The following MALRD1 variants were observed in gnomAD, a reference collection of about 807,000 sequenced individuals.
MALRD1 encodes MAM and LDL receptor class A domain containing 1.
In MALRD1, 247 loss-of-function variants were observed where a neutral mutation model predicts 242.1. That is an observed-to-expected ratio of 1.02 (90% CI 0.92 to 1.13). The LOEUF (loss-of-function observed/expected upper bound fraction) is 1.13. Ranked by LOEUF, MALRD1 falls within the 50% of genes most tolerant of loss-of-function variation. The pLI is 0.00. For missense variants in MALRD1, 2,989 were observed against 2,533.1 expected (o/e 1.18, Z -3.86); for synonymous variants, 995 against 866.6 (o/e 1.15, Z -2.60).
At chr10:19,517,016 G>T (rs1292926799) in intron 31 of MALRD1, among the ~76,000 whole-genome samples, 1 of 152,184 alleles carries the variant, frequency 6.6e-6, no homozygotes, top group African/African-American at 2.4e-5. Context: ...GGCTTTTCAT[G>T]TCATCAGGGG....
At chr10:19,173,119 A>G (rs1195897022) in intron 13 of MALRD1, among the ~76,000 whole-genome samples, 5 of 152,070 alleles carry the variant, frequency 3.3e-5, no homozygotes, top group Admixed American at 2.6e-4. Context: ...TTTAGATACC[A>G]GTTTATTTTT....
At chr10:19,158,922 T>A (rs767296209) in intron 12 of MALRD1, among the ~76,000 whole-genome samples, 13 of 152,208 alleles carry the variant, frequency 8.5e-5, no homozygotes, top group Non-Finnish European at 2.9e-5. Flanking sequence ...TAATTTTGGA[T>A]CATGTCCTGC....
intron 18 of MALRD1, among the ~76,000 whole-genome samples, chr10:19,239,034 G>T (rs1437946062): frequency 6.7e-6 from 1 of 148,844 alleles, no homozygotes; most frequent in Middle Eastern, 3.2e-3. Context: ...TTCTCTTGTG[G>T]CATGTCTTTT....
intron 36 of MALRD1, among the ~76,000 whole-genome samples, chr10:19,680,450 G>A (rs1210984764): frequency 1.3e-5 from 2 of 152,026 alleles, no homozygotes; most frequent in Admixed American, 6.6e-5. Context: ...CCAGAAACTA[G>A]GATTGCAACC....
intron 36 of MALRD1, among the ~76,000 whole-genome samples, chr10:19,682,031 A>G (rs948128684): frequency 1.3e-5 from 2 of 152,050 alleles, no homozygotes; most frequent in Non-Finnish European, 1.5e-5. Flanking sequence ...TGGAATAACT[A>G]TATCTCTGTG....
At chr10:19,579,676 A>C (rs903186506) in intron 33 of MALRD1, among the ~76,000 whole-genome samples, 5 of 152,188 alleles carry the variant, frequency 3.3e-5, no homozygotes, top group African/African-American at 2.4e-5. Flanking sequence ...ATGGGGAAGA[A>C]CGTGAGTATA....
intron 38 of MALRD1, among the ~76,000 whole-genome samples, chr10:19,708,282 A>G (rs946807261): frequency 2.5e-5 from 3 of 118,530 alleles, no homozygotes; most frequent in Admixed American, 9.6e-5. Flanking sequence ...AATTTACACC[A>G]TGACTACATA....
chr10:19,583,296 T>C (rs1837223163), intron 33 of MALRD1, among the ~76,000 whole-genome samples: 2 of 148,470 alleles, frequency 1.3e-5, no homozygotes, highest in Non-Finnish European at 3.0e-5. Flanking sequence ...ATCCCTGTCT[T>C]GTGCCAGTTT....
chr10:19,232,487 T>C (rs1476649094), intron 18 of MALRD1, among the ~76,000 whole-genome samples: 2 of 151,984 alleles, frequency 1.3e-5, no homozygotes, highest in Non-Finnish European at 2.9e-5. Context: ...CCAAAGTTCA[T>C]ATTTTAACTA....
At chr10:19,051,961 A>G (rs1444101354) in intron 1 of MALRD1, 1 of 223,806 alleles carries the variant, frequency 4.5e-6, no homozygotes, top group African/African-American at 2.3e-5. Flanking sequence ...AAGGAAAGCC[A>G]AATATACAGC....
Position 19,114,602 on chromosome 10 carries a change from A to C in MALRD1, c.695-8890A>C, listed in dbSNP as rs370417638. ...ACCACTGCACTCCAGCCTAGGTGAC[A>C]AAAAAAGACTCTGTCCTGGAAAAAA... On this transcript the variant is annotated intron_variant, in intron 5 of 39. Coordinates refer to ENST00000454679, the MANE Select transcript of MALRD1 (RefSeq NM_001142308.3). 3.3e-5 allele frequency among the ~76,000 whole-genome samples: 5 copies of C among 152,176 alleles called. No individual in the cohort carries two copies. The East Asian group carries it at 5.8e-4, about 18-fold the overall frequency.
In MALRD1 at chr10:19,118,337, G is replaced by C. The variant is rs116332795; in HGVS notation, c.695-5155G>C. Among the ~76,000 whole-genome samples, 141 of 152,278 alleles carry C rather than the reference G, an allele frequency of 9.3e-4. 1 individual carries two copies. Among genetic ancestry groups the C allele is most frequent in the African/African-American group, 3.3e-3 (139 of 41,552 alleles). On this transcript the variant is annotated intron_variant, in intron 5 of 39. Transcript: ENST00000454679. ...GAGAACAGGTGCCCAAGGTGGTTGG[G>C]CTACAAGTTGGTTTTACACAATTTG...
At chr10:19,315,754 T>A (rs1185784146) in intron 21 of MALRD1, among the ~76,000 whole-genome samples, 4 of 140,838 alleles carry the variant, frequency 2.8e-5, no homozygotes, top group African/African-American at 2.6e-5. Context: ...ATATCTAATA[T>A]GTAATATATA....
chr10:19,521,819 T>G (rs1295712386), intron 31 of MALRD1, among the ~76,000 whole-genome samples: 1 of 152,160 alleles, frequency 6.6e-6, no homozygotes. Context: ...AGTCACATAT[T>G]CAAATGTAAA....
intron 28 of MALRD1, among the ~76,000 whole-genome samples, chr10:19,403,731 G>C (rs1010144630): frequency 6.6e-6 from 1 of 152,162 alleles, no homozygotes; most frequent in Middle Eastern, 3.4e-3. Flanking sequence ...GGGTCATTCA[G>C]CAAATAAAAT....
intron 29 of MALRD1, chr10:19,489,454 C>T (rs1589149189): frequency 3.4e-6 from 2 of 585,096 alleles, no homozygotes; most frequent in South Asian, 2.8e-5. Flanking sequence ...CTTGTACAAT[C>T]CAGGGGAATA....
At chr10:19,123,724 G>A in intron 6 of MALRD1, 131 bp downstream of exon 6, 1 of 447,476 alleles carries the variant, frequency 2.2e-6, no homozygotes, top group Non-Finnish European at 3.7e-6. Context: ...AGTGTTTTTG[G>A]GAGGCTGTGG....
In MALRD1 at chr10:19,147,080, C is replaced by A. The variant is rs117572999; in HGVS notation, c.1558+736C>A. ...CCATGTTGCCCAGGTTGATCTCAAA[C>A]TCCTGGCCTCAAGCAATCCTCTCAT... On this transcript the variant is annotated intron_variant, in intron 11 of 39. Transcript: ENST00000454679. Among the ~76,000 whole-genome samples, 2,305 of 152,130 alleles carry A rather than the reference C, an allele frequency of 0.015. 107 individuals are homozygous for A. In the East Asian group the frequency reaches 0.19, roughly 12 times the overall value.
chr10:19,602,940 T>C (rs1838433398), intron 34 of MALRD1, among the ~76,000 whole-genome samples: 1 of 152,214 alleles, frequency 6.6e-6, no homozygotes, highest in Non-Finnish European at 1.5e-5. Context: ...ATTTCTCTGA[T>C]GGCCAGTGAT....
Sources: gnomAD v4.1 joint callset for allele counts (sites outside exome capture counted in the v4.1 genomes callset) on GRCh38, gnomAD v4.1.1 for gene constraint, MANE v1.5 for transcripts, NCBI Gene and HGNC (gene_info 2026-07-23, HGNC 2026-07-21) for gene names.